LRRC75A: variants seen among roughly 807,000 people sequenced by gnomAD.
LRRC75A encodes leucine rich repeat containing 75A, also known as leucine-rich repeat-containing protein 75A.
Under a neutral mutation model 26.0 loss-of-function variants are expected in LRRC75A, and 12 were observed. That is an observed-to-expected ratio of 0.46 (90% CI 0.30 to 0.75). The LOEUF is 0.75. Ranked by LOEUF, LRRC75A falls within the 30% of genes least tolerant of loss-of-function variation. The pLI, the probability that LRRC75A is intolerant of heterozygous loss-of-function variation, is 0.08. For synonymous variants in LRRC75A, 223 were observed against 219.3 expected, an observed-to-expected ratio of 1.02 and a Z score of -0.15; for missense variants, 410 against 486.6, an observed-to-expected ratio of 0.84 and a Z score of 1.48.
chr17:16,451,752 T>C (rs2093632834), intron 2 of LRRC75A, among the ~76,000 whole-genome samples: 1 of 149,688 alleles, frequency 6.7e-6, no homozygotes. Flanking sequence ...GAGCTTTTTT[T>C]TCTTTTTTTT....
intron 1 of LRRC75A, among the ~76,000 whole-genome samples, chr17:16,475,447 C>T (rs2143371072): frequency 6.6e-6 from 1 of 152,328 alleles, no homozygotes; most frequent in East Asian, 1.9e-4. Flanking sequence ...GCAGTGCTGT[C>T]TGGAGTCTGA....
intron 1 of LRRC75A, among the ~76,000 whole-genome samples, chr17:16,482,294 G>A (rs910229284): frequency 6.6e-6 from 1 of 152,180 alleles, no homozygotes; most frequent in Non-Finnish European, 1.5e-5. Flanking sequence ...TGTCCTGCAA[G>A]CCTCCTTGGC....
chr17:16,471,446 G>C (rs1261191901), intron 1 of LRRC75A, among the ~76,000 whole-genome samples: 15 of 152,214 alleles, frequency 9.9e-5, no homozygotes, highest in Admixed American at 9.8e-4. Flanking sequence ...ATTTTTCCCA[G>C]GGGCACACCA....
At position 16,443,623 on chromosome 17, in the gene LRRC75A, CATG is replaced by C. The variant is rs772349493; in HGVS notation, c.997_999del (p.His333del). 7.8e-6 allele frequency: 12 copies of C among 1,546,052 alleles called. No individual in the cohort carries two copies. The African/African-American group carries it at 1.2e-4, about 16-fold the overall frequency. On this transcript the variant is annotated inframe_deletion, in exon 4 of 4. Coordinates refer to ENST00000470794, the MANE Select transcript of LRRC75A (RefSeq NM_001113567.3). The stretch of plus-strand genomic sequence containing the variant: ...GCTGCAGCTACAGTCTCCTTGCCCT[CATG>C]GTGGTCTTCGGCAGGTGCCACAGGG...
chr17:16,459,438 G>A (rs2093710533), intron 2 of LRRC75A, among the ~76,000 whole-genome samples: 1 of 152,286 alleles, frequency 6.6e-6, no homozygotes, highest in East Asian at 1.9e-4. Flanking sequence ...AGGGAGCAGC[G>A]ACGTCCCTAA....
intron 1 of LRRC75A, among the ~76,000 whole-genome samples, chr17:16,476,942 GT>G (rs1420856865): frequency 6.6e-6 from 1 of 151,500 alleles, no homozygotes; most frequent in African/African-American, 2.4e-5. Flanking sequence ...GTTTCACCGT[GT>G]TAGCCAGGAT....
At chr17:16,478,191 CTTTT>C (rs768032038) in intron 1 of LRRC75A, among the ~76,000 whole-genome samples, 1 of 140,088 alleles carries the variant, frequency 7.1e-6, no homozygotes. Flanking sequence ...CTTTTTTTTT[CTTTT>C]TTTTTTTTTT....
In LRRC75A at chr17:16,447,930, G is replaced by A. The variant is rs1172705494; in HGVS notation, c.406C>T (p.Leu136=). 9 of 1,551,048 alleles carry A rather than the reference G, an allele frequency of 5.8e-6. No individual in the cohort carries two copies. The highest frequency in any genetic ancestry group is 2.4e-5 in the South Asian group (2 of 84,048). ...EGDALGAMEK[L]CRQLTYHLSP... is the part of the protein sequence containing the mutation. ...AGGTGGTATGTCAGCTGCCGGCACA[G>A]CTTCTCCATGGCGCCCAGTGCATCG... Residue 136 remains leucine, a synonymous_variant, in exon 3 of 4, where the codon CTG becomes TTG. Coordinates refer to ENST00000470794, the MANE Select transcript of LRRC75A (RefSeq NM_001113567.3).
chr17:16,485,308 TCGGGAGGTGGGGCCTA>T (rs2093843856), intron 1 of LRRC75A, among the ~76,000 whole-genome samples: 1 of 152,146 alleles, frequency 6.6e-6, no homozygotes, highest in African/African-American at 2.4e-5. Flanking sequence ...GGTGATGGTA[TCGGGAGGTGGGGCCTA>T]CGGGAGGTGA....
intron 2 of LRRC75A, among the ~76,000 whole-genome samples, chr17:16,453,334 GCA>G (rs71152809): frequency 3.0e-5 from 4 of 133,328 alleles, no homozygotes; most frequent in African/African-American, 1.2e-4. Context: ...ACACGCACAC[GCA>G]CACACGCACA....
chr17:16,459,982 C>T (rs1474954062), intron 2 of LRRC75A, among the ~76,000 whole-genome samples: 1 of 152,170 alleles, frequency 6.6e-6, no homozygotes, highest in Non-Finnish European at 1.5e-5. Flanking sequence ...ATGCAATGGA[C>T]TGAATGTTGG....
At chr17:16,481,530 G>C (rs1213453542) in intron 1 of LRRC75A, among the ~76,000 whole-genome samples, 1 of 152,126 alleles carries the variant, frequency 6.6e-6, no homozygotes, top group Non-Finnish European at 1.5e-5. Context: ...TCCACTGTAG[G>C]CCCTTCCATA....
intron 2 of LRRC75A, among the ~76,000 whole-genome samples, chr17:16,450,980 C>T (rs1373169989): frequency 6.6e-6 from 1 of 152,082 alleles, no homozygotes; most frequent in Non-Finnish European, 1.5e-5. Flanking sequence ...GTGACCTGCT[C>T]ATGTGGGGCC....
intron 2 of LRRC75A, among the ~76,000 whole-genome samples, chr17:16,454,653 T>A (rs1297799802): frequency 1.3e-5 from 2 of 152,104 alleles, no homozygotes; most frequent in Non-Finnish European, 1.5e-5. Context: ...ATCACGCCAC[T>A]GCACTCCAGC....
intron 1 of LRRC75A, among the ~76,000 whole-genome samples, chr17:16,482,193 G>A (rs958740903): frequency 1.3e-5 from 2 of 152,194 alleles, no homozygotes; most frequent in Non-Finnish European, 2.9e-5. Context: ...TAAGGGCAGT[G>A]GGGTGGGATG....
chr17:16,450,434 A>ACCCCTGCCCCCCG (rs1555887542), intron 2 of LRRC75A, among the ~76,000 whole-genome samples: 1 of 151,328 alleles, frequency 6.6e-6, no homozygotes, highest in African/African-American at 2.4e-5. Flanking sequence ...GCCCATCCCC[A>ACCCCTGCCCCCCG]CCCCTGCCCC....
Position 16,443,637 on chromosome 17 carries a change from GC to G in LRRC75A, c.985del (p.Ala329ProfsTer11). 6.4e-7 allele frequency: 1 copy of G among 1,552,542 alleles called. No homozygotes were observed. The highest frequency in any genetic ancestry group is 8.7e-7 in the Non-Finnish European group (1 of 1,146,866). On this transcript the variant is annotated frameshift_variant, in exon 4 of 4. Coordinates refer to ENST00000470794, the MANE Select transcript of LRRC75A (RefSeq NM_001113567.3). LOFTEE classifies it high-confidence loss of function. ...CTCCTTGCCCTCATGGTGGTCTTCG[GC>G]AGGTGCCACAGGGCCCCCTCCAGGG... ...EDPGGGPVAPAEDHHEGKETV... is the reference protein window; with the variant it reads ...EDPGGGPVAPXEDHHEGKETV...
chr17:16,485,819 A>G (rs936362608), intron 1 of LRRC75A, among the ~76,000 whole-genome samples: 1 of 151,566 alleles, frequency 6.6e-6, no homozygotes. Flanking sequence ...TGCTGACCCC[A>G]CCCCCTCTGC....
At chr17:16,464,706 C>T (rs1000348007) in intron 1 of LRRC75A, among the ~76,000 whole-genome samples, 14 of 152,200 alleles carry the variant, frequency 9.2e-5, no homozygotes, top group South Asian at 2.1e-4. Context: ...CAGGGCTGGG[C>T]GGGGACCTGA....
Sources: allele counts gnomAD v4.1 joint callset (sites outside exome capture counted in the v4.1 genomes callset), GRCh38; gene constraint gnomAD v4.1.1; transcripts MANE v1.5; gene names NCBI Gene and HGNC (gene_info 2026-07-23, HGNC 2026-07-21).